The following TIAL1 variants were observed in gnomAD, a reference collection of about 807,000 sequenced individuals.
TIAL1 encodes the protein nucleolysin TIAR.
TIAL1 carries 7 observed loss-of-function variants against 59.7 expected under a neutral mutation model. The ratio of observed to expected loss-of-function variants is 0.12; its 90% CI spans 0.07 to 0.22. The LOEUF (loss-of-function observed/expected upper bound fraction) is 0.22. Ranked by LOEUF, TIAL1 falls within the 10% of genes least tolerant of loss-of-function variation. TIAL1 has a pLI of 1.00. For synonymous variants in TIAL1, 149 were observed against 146.3 expected, an observed-to-expected ratio of 1.02 and a Z score of -0.13; for missense variants, 225 against 462.5, an observed-to-expected ratio of 0.49 and a Z score of 4.71.
At chr10:119,592,813 GAAAC>G (rs1845953375) in intron 1 of TIAL1, among the ~76,000 whole-genome samples, 1 of 151,678 alleles carries the variant, frequency 6.6e-6, no homozygotes, top group Non-Finnish European at 1.5e-5. Context: ...TTACTTTAAA[GAAAC>G]AAAGAATATG....
chr10:119,583,690 A>G (rs967491986), intron 2 of TIAL1, among the ~76,000 whole-genome samples: 3 of 152,180 alleles, frequency 2.0e-5, no homozygotes, highest in Non-Finnish European at 2.9e-5. Flanking sequence ...GTTTTAGAAG[A>G]AAAATCCAAA....
At chr10:119,578,627 T>A (rs545188721) in intron 7 of TIAL1, 99 bp downstream of exon 7, 3 of 1,084,618 alleles carry the variant, frequency 2.8e-6, no homozygotes, top group Non-Finnish European at 4.2e-6. Context: ...CAAGACCCTG[T>A]CTCTTACATA....
intron 2 of TIAL1, among the ~76,000 whole-genome samples, chr10:119,583,980 T>C (rs546687050): frequency 3.3e-5 from 5 of 152,346 alleles, no homozygotes; most frequent in South Asian, 4.2e-4. Context: ...ATTGTGCTAG[T>C]TGAGTTTTCC....
chr10:119,590,804 G>GAAAGAAAGAAAAAAA (rs1845839258), intron 1 of TIAL1, among the ~76,000 whole-genome samples: 1 of 140,672 alleles, frequency 7.1e-6, no homozygotes, highest in Non-Finnish European at 1.6e-5. Context: ...AAGAAAGAAA[G>GAAAGAAAGAAAAAAA]AAAGAAAGAA....
intron 1 of TIAL1, among the ~76,000 whole-genome samples, chr10:119,594,561 T>C (rs1846055609): frequency 6.6e-6 from 1 of 152,210 alleles, no homozygotes; most frequent in South Asian, 2.1e-4. Flanking sequence ...TCCCAGATGC[T>C]TATATCAAAG....
intron 2 of TIAL1, among the ~76,000 whole-genome samples, chr10:119,586,680 A>C (rs1845584849): frequency 6.6e-6 from 1 of 152,044 alleles, no homozygotes; most frequent in Non-Finnish European, 1.5e-5. Context: ...CTGCTGTTAG[A>C]CTCATTTCCC....
chr10:119,575,904 A>C (rs1844965424), intron 11 of TIAL1, 113 bp from the exon 12 acceptor site: 3 of 961,034 alleles, frequency 3.1e-6, no homozygotes, highest in South Asian at 4.1e-5. Flanking sequence ...AGAAATCAAC[A>C]CACCTACAAC....
At position 119,580,022 on chromosome 10, in the gene TIAL1, A is replaced by C. The variant is rs749783599; in HGVS notation, c.372-12T>G. 6.2e-7 allele frequency: 1 copy of C among 1,608,358 alleles called. No homozygotes were observed. The highest frequency in any genetic ancestry group is 8.5e-7 in the Non-Finnish European group (1 of 1,177,550). ...CTACCCGGGCATCCCTGTGAAAAGA[A>C]GCACAGCTAAATGAGGGAAGTAAGA... On this transcript the variant is annotated splice_polypyrimidine_tract_variant and intron_variant, in intron 5 of 11. Coordinates refer to ENST00000436547, the MANE Select transcript of TIAL1 (RefSeq NM_003252.4).
chr10:119,577,571 T>C (rs777813779), intron 8 of TIAL1, 36 bp from the exon 9 acceptor site: 6 of 1,608,054 alleles, frequency 3.7e-6, no homozygotes, highest in Admixed American at 1.7e-5. Flanking sequence ...ACATGGCTGA[T>C]GTGTATCATG....
In TIAL1 at chr10:119,577,208, G is replaced by T; in HGVS notation, c.738-5C>A. ...GCACTTTCATGGGTTGAAAATCTAA[G>T]AAAGAAAAATGATATGGTTTTGTCT... On this transcript the variant is annotated splice_polypyrimidine_tract_variant and splice_region_variant and intron_variant, in intron 9 of 11. Coordinates refer to ENST00000436547, the MANE Select transcript of TIAL1 (RefSeq NM_003252.4). The T allele has an allele frequency of 1.3e-6, 2 of 1,590,366 alleles. No homozygotes were observed. The highest frequency in any genetic ancestry group is 2.3e-5 in the South Asian group (2 of 85,944).
At position 119,578,670 on chromosome 10, in the gene TIAL1, T is replaced by TGA. The variant is rs997603263; in HGVS notation, c.556+54_556+55dup. The TGA allele has an allele frequency of 2.9e-5, 40 of 1,391,646 alleles. No individual in the cohort carries two copies. In the African/African-American group the frequency reaches 4.7e-4, roughly 16 times the overall value. 86.2% of individuals were successfully genotyped at this position (1,391,646 alleles called of 1,614,324 possible). On this transcript the variant is annotated intron_variant, in intron 7 of 11. Transcript: ENST00000436547. The stretch of plus-strand genomic sequence containing the variant: ...TAGAAATTGAGACTAGATGAATACA[T>TGA]GATACATGATTTTGTGAAGAATATA...
intron 7 of TIAL1, among the ~76,000 whole-genome samples, chr10:119,577,964 C>T (rs1003688331): frequency 6.6e-6 from 1 of 151,824 alleles, no homozygotes; most frequent in Admixed American, 6.6e-5. Flanking sequence ...CGGTGGCTCA[C>T]GCCTGTAATC....
At chr10:119,587,157 G>A (rs181245792) in intron 2 of TIAL1, among the ~76,000 whole-genome samples, 4 of 152,322 alleles carry the variant, frequency 2.6e-5, no homozygotes, top group Middle Eastern at 6.8e-3. Flanking sequence ...CTCCGTTTCA[G>A]GATAAAACAA....
At chr10:119,586,151 C>T (rs1845563041) in intron 2 of TIAL1, among the ~76,000 whole-genome samples, 1 of 152,202 alleles carries the variant, frequency 6.6e-6, no homozygotes, top group Non-Finnish European at 1.5e-5. Context: ...CTAACGTCCA[C>T]TTTGATGTCT....
In TIAL1 at chr10:119,596,498, G is replaced by A. The variant is rs1328518379; in HGVS notation, c.-33C>T. ...GCGACGGAGCGATCCCGGGACAAGGGGGAGGGCAGGGTTGGGGAGGGGAGG... is the reference window on the plus strand; with the variant it reads ...GCGACGGAGCGATCCCGGGACAAGGAGGAGGGCAGGGTTGGGGAGGGGAGG... On this transcript the variant is annotated 5_prime_UTR_variant, in exon 1 of 12. Transcript: ENST00000436547. 2 of 1,467,784 alleles carry A rather than the reference G, an allele frequency of 1.4e-6. No individual in the cohort carries two copies. Among genetic ancestry groups the A allele is most frequent in the African/African-American group, 1.4e-5 (1 of 72,144 alleles). The allele number at this position is 1,467,784 out of a possible 1,614,324, so 90.9% of individuals were successfully genotyped here.
intron 1 of TIAL1, among the ~76,000 whole-genome samples, chr10:119,588,869 T>G (rs1845709642): frequency 6.6e-6 from 1 of 152,214 alleles, no homozygotes; most frequent in Non-Finnish European, 1.5e-5. Context: ...TTATTCTAAT[T>G]GTTAAAATTT....
At chr10:119,577,910 C>G (rs372438608) in intron 7 of TIAL1, among the ~76,000 whole-genome samples, 174 bp from the exon 8 acceptor site, 4 of 151,706 alleles carry the variant, frequency 2.6e-5, no homozygotes, top group African/African-American at 7.3e-5. Flanking sequence ...GCCAACATGA[C>G]GAAATCCTGT....
intron 2 of TIAL1, among the ~76,000 whole-genome samples, chr10:119,584,311 T>C (rs1845439379): frequency 6.6e-6 from 1 of 152,044 alleles, no homozygotes; most frequent in Non-Finnish European, 1.5e-5. Context: ...CTAAAAAAAT[T>C]TGACTTAGAA....
chr10:119,576,855 G>T, intron 10 of TIAL1, 105 bp from the exon 11 acceptor site: 2 of 1,449,500 alleles, frequency 1.4e-6, no homozygotes, highest in Non-Finnish European at 1.9e-6. Context: ...ACCCTTATGT[G>T]AATAGGACTC....
Sources: allele counts gnomAD v4.1 joint callset (sites outside exome capture counted in the v4.1 genomes callset), GRCh38; gene constraint gnomAD v4.1.1; transcripts MANE v1.5; gene names NCBI Gene and HGNC (gene_info 2026-07-23, HGNC 2026-07-21).